RHOBTB2: variants seen among roughly 807,000 people sequenced by gnomAD.
RHOBTB2 encodes the protein Rho related BTB domain containing 2, also known as rho-related BTB domain-containing protein 2.
RHOBTB2 carries 39 observed loss-of-function variants against 66.5 expected under a neutral mutation model. The ratio of observed to expected loss-of-function variants is 0.59; its 90% confidence interval spans 0.45 to 0.77. The LOEUF (loss-of-function observed/expected upper bound fraction) is 0.77. Among genes scored for constraint, RHOBTB2 ranks in the 30% least tolerant of loss-of-function variants. The pLI, the probability that RHOBTB2 is intolerant of heterozygous loss-of-function variation, is 0.00. For synonymous variants in RHOBTB2, 390 were observed against 395.0 expected (o/e 0.99, Z 0.15); for missense variants, 755 against 999.1 (o/e 0.76, Z 3.29).
chr8:22,996,712 T>A (rs1810577901), upstream of RHOBTB2, among the ~76,000 whole-genome samples: 1 of 151,632 alleles, frequency 6.6e-6, no homozygotes, highest in Admixed American at 6.6e-5. Context: ...GAGGGCGCAG[T>A]GAAGGGAGTG....
the RHOBTB2 span, among the ~76,000 whole-genome samples, chr8:22,952,108 C>T: frequency 2.0e-5 from 3 of 152,166 alleles, no homozygotes; most frequent in African/African-American, 4.8e-5. Context: ...TATCTAACTA[C>T]GTGCTTACTT....
the RHOBTB2 span, among the ~76,000 whole-genome samples, chr8:22,962,038 G>A: frequency 6.6e-6 from 1 of 151,936 alleles, no homozygotes; most frequent in African/African-American, 2.4e-5. Flanking sequence ...GCTGGTGACT[G>A]TACTCCCAAC....
the RHOBTB2 span, among the ~76,000 whole-genome samples, chr8:22,981,255 T>C: frequency 6.6e-6 from 1 of 152,204 alleles, no homozygotes; most frequent in Non-Finnish European, 1.5e-5. Context: ...CTGGCTGGAG[T>C]TGATTCAACC....
chr8:22,968,708 C>T, the RHOBTB2 span, among the ~76,000 whole-genome samples: 1 of 151,310 alleles, frequency 6.6e-6, no homozygotes, highest in Non-Finnish European at 1.5e-5. Flanking sequence ...AGGAATAAAC[C>T]CAAGAATGAG....
At chr8:22,986,151 T>C (rs961318832), upstream of RHOBTB2, among the ~76,000 whole-genome samples, 1 of 151,610 alleles carries the variant, frequency 6.6e-6, no homozygotes, top group Non-Finnish European at 1.5e-5. Flanking sequence ...TCTCTCTCTC[T>C]CTCTCTCTCT....
At chr8:23,007,781 C>G (rs544481877) in intron 5 of RHOBTB2, 35 bp downstream of exon 5, 35 of 1,601,564 alleles carry the variant, frequency 2.2e-5, no homozygotes, top group Non-Finnish European at 3.0e-5. Flanking sequence ...GGGGGTTCTG[C>G]ATTGGTGCTA....
At chr8:23,011,298 C>A (rs2128806563) in intron 7 of RHOBTB2, among the ~76,000 whole-genome samples, 1 of 152,304 alleles carries the variant, frequency 6.6e-6, no homozygotes, top group South Asian at 2.1e-4. Context: ...GCTTTATGTT[C>A]TTTGCTTGGC....
At chr8:22,964,806 T>G in the RHOBTB2 span, among the ~76,000 whole-genome samples, 1 of 149,754 alleles carries the variant, frequency 6.7e-6, no homozygotes, top group Non-Finnish European at 1.5e-5. Flanking sequence ...ATTTATTTAT[T>G]TATTTATTTA....
chr8:23,005,915 C>T (rs1563290745), intron 3 of RHOBTB2, 45 bp from the exon 4 acceptor site: 3 of 1,572,410 alleles, frequency 1.9e-6, no homozygotes, highest in Middle Eastern at 1.7e-4. Flanking sequence ...ACCAGGTAAG[C>T]TACCACTTGT....
intron 6 of RHOBTB2, among the ~76,000 whole-genome samples, chr8:23,010,003 T>C (rs1309385918): frequency 6.6e-6 from 1 of 152,206 alleles, no homozygotes; most frequent in African/African-American, 2.4e-5. Flanking sequence ...TCAGCTGCTG[T>C]GGGCCTTACT....
In RHOBTB2 at chr8:23,017,116, G is replaced by A; in HGVS notation, c.1967-136G>A. On this transcript the variant is annotated intron_variant, in intron 9 of 9. Transcript: ENST00000251822. The surrounding 1 kb of genome is among the most constrained non-coding windows in gnomAD (Gnocchi z 5.3). ...CTTTGCTTGCCTCGGAGGCTCATGT[G>A]CCGTGGGTCATGGGGATGTGCTGGG... 1 of 1,133,902 alleles carries A rather than the reference G, an allele frequency of 8.8e-7. No homozygotes were observed. The highest frequency in any genetic ancestry group is 1.3e-6 in the Non-Finnish European group (1 of 782,176). The allele number at this position is 1,133,902 out of a possible 1,614,324, so 70.2% of individuals were successfully genotyped here.
At chr8:22,979,756 T>A in the RHOBTB2 span, among the ~76,000 whole-genome samples, 37 of 129,488 alleles carry the variant, frequency 2.9e-4, no homozygotes, top group Admixed American at 2.8e-3. Context: ...TTTTTTTTTT[T>A]TTGGGACAGA....
At position 23,007,463 on chromosome 8, in the gene RHOBTB2, C is replaced by T. The variant is rs960412645; in HGVS notation, c.1218C>T (p.Thr406=). 3 of 1,614,054 alleles carry T rather than the reference C, an allele frequency of 1.9e-6. No homozygotes were observed. Among genetic ancestry groups the T allele is most frequent in the Non-Finnish European group, 1.7e-6 (2 of 1,180,014 alleles). ...AAGAGATGGCAGAAGATCCTCTCACCTACAAATCCCGGCTGATGGTGGTGG... is the reference window on the plus strand; with the variant it reads ...AAGAGATGGCAGAAGATCCTCTCACTTACAAATCCCGGCTGATGGTGGTGG... ...IQEEMAEDPL[T]YKSRLMVVVK... is the part of the protein sequence containing the mutation. The change falls in exon 5 of 10, where the codon ACC becomes ACT. Residue 406 remains threonine (T), a synonymous_variant. Coordinates refer to ENST00000251822, the MANE Select transcript of RHOBTB2 (RefSeq NM_015178.3).
chr8:22,958,021 G>A, the RHOBTB2 span, among the ~76,000 whole-genome samples: 2 of 152,202 alleles, frequency 1.3e-5, no homozygotes, highest in Admixed American at 1.3e-4. Flanking sequence ...GCCCAGGAAA[G>A]GCCTAGGCAA....
At chr8:22,987,666 C>G (rs1207936112) in intron 1 of RHOBTB2, 1 of 152,456 alleles carries the variant, frequency 6.6e-6, no homozygotes, top group African/African-American at 2.4e-5. Flanking sequence ...ACTCACAGCA[C>G]TGCACAATTT....
intron 2 of RHOBTB2, among the ~76,000 whole-genome samples, chr8:23,005,141 AG>A (rs1810908888): frequency 6.6e-6 from 1 of 152,144 alleles, no homozygotes; most frequent in Non-Finnish European, 1.5e-5. Context: ...CCACCTGCTT[AG>A]GGTCTCTTCC....
chr8:22,966,399 A>G, the RHOBTB2 span, among the ~76,000 whole-genome samples: 1,373 of 152,152 alleles, frequency 9.0e-3, 27 homozygotes, highest in African/African-American at 0.031. Context: ...CCCAACAACA[A>G]AAAAACAAAC....
upstream of RHOBTB2, among the ~76,000 whole-genome samples, chr8:22,985,387 C>T (rs1398875174): frequency 6.6e-6 from 1 of 152,258 alleles, no homozygotes; most frequent in Non-Finnish European, 1.5e-5. Context: ...GTATCTTTAA[C>T]TTATCGGAGA....
chr8:23,004,388 G>T lies in RHOBTB2; in HGVS notation c.-10-37G>T. On this transcript the variant is annotated intron_variant, in intron 1 of 9. Transcript: ENST00000251822. This position sits in a 1 kb window ranked among gnomAD's most constrained non-coding sequence, Gnocchi z 6.4. ...GCCCTGGCCCACGGCGAGCTGGCAT[G>T]CCATGCCGTCCTGACCGCCTCCCTC... is the stretch of plus-strand genomic sequence containing the variant. The T allele has an allele frequency of 6.3e-7, 1 of 1,583,114 alleles. No individual in the cohort carries two copies. The highest frequency in any genetic ancestry group is 8.7e-7 in the Non-Finnish European group (1 of 1,152,380).
Sources: gnomAD v4.1 joint callset for allele counts (sites outside exome capture counted in the v4.1 genomes callset) on GRCh38, gnomAD v4.1.1 for gene constraint, Gnocchi (gnomAD v3.1) non-coding constraint, MANE v1.5 for transcripts, NCBI Gene and HGNC (gene_info 2026-07-23, HGNC 2026-07-21) for gene names.